GAS7: variants seen among roughly 807,000 people sequenced by gnomAD.
GAS7 encodes growth arrest-specific protein 7.
GAS7 carries 28 observed loss-of-function variants against 71.1 expected under a neutral mutation model. The observed-to-expected ratio is 0.39, with a 90% CI of 0.29 to 0.54. The LOEUF is 0.54. GAS7 is among the 20% of genes least tolerant of loss of function. The pLI, the probability that GAS7 is intolerant of heterozygous loss-of-function variation, is 0.62. For synonymous variants in GAS7, 258 were observed against 245.8 expected, an observed-to-expected ratio of 1.05 and a Z score of -0.46; for missense variants, 436 against 627.8, an observed-to-expected ratio of 0.69 and a Z score of 3.27.
chr17:10,047,577 A>C (rs1192923530), intron 1 of GAS7, among the ~76,000 whole-genome samples: 1 of 152,226 alleles, frequency 6.6e-6, no homozygotes, highest in Non-Finnish European at 1.5e-5. Context: ...ACAAAGGAAG[A>C]GCACGTCTCA....
chr17:9,945,312 G>A (rs548836918), intron 6 of GAS7, among the ~76,000 whole-genome samples: 1 of 150,708 alleles, frequency 6.6e-6, no homozygotes, highest in South Asian at 2.1e-4. Context: ...CTATGAATCA[G>A]ATCACATCAT....
intron 1 of GAS7, among the ~76,000 whole-genome samples, chr17:10,051,045 G>T (rs571386325): frequency 3.3e-5 from 5 of 152,136 alleles, no homozygotes; most frequent in Non-Finnish European, 7.3e-5. Flanking sequence ...GCCAAGCAGA[G>T]AGGAAGCTCA....
intron 1 of GAS7, among the ~76,000 whole-genome samples, chr17:10,192,222 AC>A (rs1359399703): frequency 6.6e-6 from 1 of 152,068 alleles, no homozygotes; most frequent in Non-Finnish European, 1.5e-5. Flanking sequence ...CATAAATACC[AC>A]CCCAGAAGCC....
At chr17:10,008,942 T>C (rs1279034486) in intron 2 of GAS7, among the ~76,000 whole-genome samples, 1 of 152,194 alleles carries the variant, frequency 6.6e-6, no homozygotes, top group Non-Finnish European at 1.5e-5. Context: ...GAGGAACTTT[T>C]ATTAACACGG....
At chr17:10,136,421 T>C (rs1423407548) in intron 1 of GAS7, among the ~76,000 whole-genome samples, 1 of 152,162 alleles carries the variant, frequency 6.6e-6, no homozygotes, top group East Asian at 1.9e-4. Context: ...GCATCAACGG[T>C]GCTGTGGAAA....
intron 2 of GAS7, among the ~76,000 whole-genome samples, chr17:10,016,750 A>G (rs2072035232): frequency 8.1e-6 from 1 of 123,156 alleles, no homozygotes; most frequent in Non-Finnish European, 1.7e-5. Flanking sequence ...ATCTCTACAA[A>G]AAATAATAAT....
At chr17:10,166,647 T>C (rs1340974409) in intron 1 of GAS7, among the ~76,000 whole-genome samples, 2 of 152,206 alleles carry the variant, frequency 1.3e-5, no homozygotes, top group African/African-American at 4.8e-5. Context: ...TTTTACAAAT[T>C]TGGAATTTTG....
intron 2 of GAS7, among the ~76,000 whole-genome samples, chr17:10,008,640 G>C (rs550740917): frequency 6.6e-6 from 1 of 152,042 alleles, no homozygotes; most frequent in Non-Finnish European, 1.5e-5. Context: ...GGATATCCTG[G>C]AAGAGAAAAC....
chr17:9,964,926 C>T (rs185793571), intron 4 of GAS7, among the ~76,000 whole-genome samples: 3 of 152,324 alleles, frequency 2.0e-5, no homozygotes, highest in Admixed American at 2.0e-4. Flanking sequence ...GAACTCCATG[C>T]TCCAATGGGT....
chr17:10,098,055 A>C (rs1479851322), intron 1 of GAS7, among the ~76,000 whole-genome samples: 1 of 152,002 alleles, frequency 6.6e-6, no homozygotes, highest in Non-Finnish European at 1.5e-5. Context: ...AAAAAAAAAA[A>C]AAAAGTGTAC....
chr17:10,181,404 G>C (rs890679385), intron 1 of GAS7, among the ~76,000 whole-genome samples: 1 of 151,378 alleles, frequency 6.6e-6, no homozygotes, highest in African/African-American at 2.4e-5. Context: ...TCTCAATAGA[G>C]CTGTCAAACA....
chr17:10,082,090 C>T (rs1030186932), intron 1 of GAS7, among the ~76,000 whole-genome samples: 12 of 152,244 alleles, frequency 7.9e-5, no homozygotes, highest in African/African-American at 2.4e-4. Flanking sequence ...ACGAAAAAAA[C>T]TCAAAAACAC....
At chr17:10,069,247 C>A (rs1010558354) in intron 1 of GAS7, among the ~76,000 whole-genome samples, 1 of 152,182 alleles carries the variant, frequency 6.6e-6, no homozygotes, top group African/African-American at 2.4e-5. Flanking sequence ...TGCACCATGT[C>A]CGTGGAATGG....
In GAS7 at chr17:9,918,087, G is replaced by A. The variant is rs780373030; in HGVS notation, c.1231C>T (p.Leu411=). Residue 411 remains leucine, a synonymous_variant, in exon 13 of 14, where the codon CTG becomes TTG. Coordinates refer to ENST00000432992, the MANE Select transcript of GAS7 (RefSeq NM_201433.2). ...ATCATCTCTACCCTCTCCACCTCCA[G>A]CCGCTCTAGCTCCTGCCGAGAAAGC... The part of the protein sequence containing the change: ...MVTTTLELER[L]EVERVEMIRQ... The A allele has an allele frequency of 2.5e-6, 4 of 1,613,030 alleles. No individual in the cohort carries two copies. The East Asian group carries it at 6.7e-5, about 27-fold the overall frequency.
At chr17:10,171,028 G>C (rs1263133228) in intron 1 of GAS7, among the ~76,000 whole-genome samples, 1 of 152,300 alleles carries the variant, frequency 6.6e-6, no homozygotes, top group East Asian at 1.9e-4. Context: ...AAGGGCAAAA[G>C]TCCTCCTAAC....
intron 1 of GAS7, among the ~76,000 whole-genome samples, chr17:10,149,910 G>C (rs1253895025): frequency 2.0e-5 from 3 of 152,204 alleles, no homozygotes; most frequent in African/African-American, 7.2e-5. Flanking sequence ...AATCCACAGA[G>C]ACAGAAATCG....
At chr17:10,159,098 T>TATATATATATATATATATATA (rs1555538321) in intron 1 of GAS7, among the ~76,000 whole-genome samples, 5 of 45,516 alleles carry the variant, frequency 1.1e-4, no homozygotes, top group African/African-American at 1.9e-4. Context: ...ATATATATAT[T>TATATATATATATATATATATA]AAAGATAACA....
At chr17:10,137,652 G>A (rs2074049244) in intron 1 of GAS7, among the ~76,000 whole-genome samples, 2 of 151,754 alleles carry the variant, frequency 1.3e-5, no homozygotes, top group Admixed American at 1.3e-4. Context: ...CAATTCTCCT[G>A]CCTCAGCCTC....
At chr17:10,039,293 C>T (rs528218799) in intron 1 of GAS7, among the ~76,000 whole-genome samples, 1 of 151,606 alleles carries the variant, frequency 6.6e-6, no homozygotes, top group South Asian at 2.1e-4. Flanking sequence ...ACCCATAAGC[C>T]GCTTCATGAG....
Sources: gnomAD v4.1 joint callset for allele counts (sites outside exome capture counted in the v4.1 genomes callset) on GRCh38, gnomAD v4.1.1 for gene constraint, MANE v1.5 for transcripts, NCBI Gene and HGNC (gene_info 2026-07-23, HGNC 2026-07-21) for gene names.